ANK2: variants seen among roughly 807,000 people sequenced by gnomAD.
ANK2 encodes the protein ankyrin-2.
In ANK2, 83 loss-of-function variants were observed where a neutral mutation model predicts 360.5. That is an observed-to-expected ratio of 0.23 (90% CI 0.19 to 0.28). The LOEUF (loss-of-function observed/expected upper bound fraction) is 0.28. Among genes scored for constraint, ANK2 ranks in the 10% least tolerant of loss-of-function variants. The probability of loss-of-function intolerance (pLI) is 1.00; values close to 1 mark genes in which losing one functional copy is unlikely to be tolerated. For synonymous variants in ANK2, 1,740 were observed against 1,759.5 expected (o/e 0.99, Z 0.28); for missense variants, 4,201 against 4,795.7 (o/e 0.88, Z 3.66).
intron 5 of ANK2, among the ~76,000 whole-genome samples, chr4:113,234,548 AAAT>A (rs1314108298): frequency 3.3e-5 from 5 of 152,200 alleles, no homozygotes; most frequent in African/African-American, 7.2e-5. Flanking sequence ...TGTAAAAAAA[AAAT>A]AATGTTTTTA....
Position 113,292,357 on chromosome 4 carries a change from CT to C in ANK2, c.2278-58del, listed in dbSNP as rs1377690082. ...AAGACTATTCAAAATGAAGGCTAACCTAATTTTCCTCTCCCTCTGCCAATCG... is the reference window on the plus strand; with the variant it reads ...AAGACTATTCAAAATGAAGGCTAACCAATTTTCCTCTCCCTCTGCCAATCG... On this transcript the variant is annotated intron_variant, in intron 20 of 45. Transcript: ENST00000357077. 6 of 1,433,766 alleles carry C rather than the reference CT, an allele frequency of 4.2e-6. No homozygotes were observed. The East Asian group carries it at 7.3e-5, about 17-fold the overall frequency. 88.8% of individuals were successfully genotyped at this position (1,433,766 alleles called of 1,614,324 possible).
chr4:113,109,092 A>G (rs990564471), intron 1 of ANK2, among the ~76,000 whole-genome samples: 1 of 152,104 alleles, frequency 6.6e-6, no homozygotes, highest in African/African-American at 2.4e-5. Flanking sequence ...TTCTTACGCA[A>G]AGCAGTATGT....
chr4:113,050,201 C>T lies in ANK2; in HGVS notation c.84+389C>T, dbSNP rs190524907. ...GTGAAGCAAAAGGCAGATTTTTGGCCAGATGCGTTTGCTCTATGATGATCC... is the reference window on the plus strand; with the variant it reads ...GTGAAGCAAAAGGCAGATTTTTGGCTAGATGCGTTTGCTCTATGATGATCC... On this transcript the variant is annotated intron_variant, in intron 1 of 45. Coordinates refer to ENST00000357077, the MANE Select transcript of ANK2 (RefSeq NM_001148.6). Among the ~76,000 whole-genome samples the T allele has an allele frequency of 2.2e-3, 330 of 152,166 alleles. 5 individuals are homozygous for T. Among genetic ancestry groups the T allele is most frequent in the Non-Finnish European group, 1.7e-3 (114 of 68,002 alleles).
chr4:113,163,786 A>AAAAAG (rs2097650817), intron 1 of ANK2, among the ~76,000 whole-genome samples: 1 of 108,610 alleles, frequency 9.2e-6, no homozygotes, highest in African/African-American at 3.1e-5. Flanking sequence ...AAAAAAAAAA[A>AAAAAG]AAAAAAGAAA....
intron 15 of ANK2, among the ~76,000 whole-genome samples, chr4:113,277,512 G>GC (rs1554401740): frequency 1.3e-5 from 2 of 151,946 alleles, no homozygotes; most frequent in Non-Finnish European, 2.9e-5. Context: ...TTAGAGGCAA[G>GC]AAAAGGCTTT....
intron 24 of ANK2, among the ~76,000 whole-genome samples, chr4:113,315,459 T>A (rs2082232875): frequency 1.3e-5 from 2 of 152,214 alleles, no homozygotes; most frequent in African/African-American, 4.8e-5. Flanking sequence ...ATTTTCATTT[T>A]CCCTTTGAGA....
chr4:112,791,532 A>G, the ANK2 span, among the ~76,000 whole-genome samples: 1 of 128,084 alleles, frequency 7.8e-6, no homozygotes, highest in Admixed American at 9.9e-5. Context: ...TCTGTTGCCC[A>G]GGCTGGAGTG....
chr4:113,327,225 T>C (rs1364600542), intron 26 of ANK2, among the ~76,000 whole-genome samples: 1 of 152,192 alleles, frequency 6.6e-6, no homozygotes, highest in African/African-American at 2.4e-5. Context: ...TTAACTTCTA[T>C]TAAAATGGTT....
intron 2 of ANK2, among the ~76,000 whole-genome samples, chr4:112,941,200 G>C (rs7695624): frequency 0.31 from 46,129 of 150,400 alleles, 8,639 homozygotes; most frequent in African/African-American, 0.53. Flanking sequence ...TATTAAAAAA[G>C]AACATTTAAC....
intron 4 of ANK2, among the ~76,000 whole-genome samples, chr4:113,204,318 A>C (rs908206656): frequency 4.6e-5 from 7 of 152,194 alleles, no homozygotes; most frequent in African/African-American, 1.7e-4. Context: ...AAACATGAGA[A>C]GCTAAGCAAA....
At chr4:112,804,012 CG>C in the ANK2 span, among the ~76,000 whole-genome samples, 1 of 133,992 alleles carries the variant, frequency 7.5e-6, no homozygotes, top group Non-Finnish European at 1.5e-5. Context: ...ACCAATCTCA[CG>C]GTTTTTTTTT....
chr4:113,253,727 C>T (rs2047734962), intron 10 of ANK2, among the ~76,000 whole-genome samples: 1 of 152,180 alleles, frequency 6.6e-6, no homozygotes, highest in Non-Finnish European at 1.5e-5. Context: ...CCACTCTGGT[C>T]CAGATCACCA....
At chr4:112,728,525 A>G in the ANK2 span, among the ~76,000 whole-genome samples, 1 of 151,864 alleles carries the variant, frequency 6.6e-6, no homozygotes, top group Admixed American at 6.6e-5. Context: ...CTAAGGTAGG[A>G]TGATCGCTTG....
At chr4:112,865,291 C>A (rs2070071781) in intron 1 of ANK2, among the ~76,000 whole-genome samples, 1 of 152,048 alleles carries the variant, frequency 6.6e-6, no homozygotes, top group Non-Finnish European at 1.5e-5. Context: ...CACCTTCTCA[C>A]CTTTTATTTT....
chr4:113,272,815 C>A (rs542735319), intron 14 of ANK2, among the ~76,000 whole-genome samples: 1 of 152,158 alleles, frequency 6.6e-6, no homozygotes, highest in Non-Finnish European at 1.5e-5. Flanking sequence ...ACTTGCAATA[C>A]CCACCCACCT....
intron 1 of ANK2, among the ~76,000 whole-genome samples, chr4:113,102,069 A>G (rs1477075833): frequency 6.6e-6 from 1 of 152,148 alleles, no homozygotes; most frequent in Non-Finnish European, 1.5e-5. Flanking sequence ...GGCATTGGCT[A>G]GGTGGAAACA....
At chr4:112,874,003 A>C (rs771959544) in intron 1 of ANK2, among the ~76,000 whole-genome samples, 2 of 152,030 alleles carry the variant, frequency 1.3e-5, no homozygotes, top group Non-Finnish European at 2.9e-5. Flanking sequence ...AACATTTGAG[A>C]AAGTTTCCAG....
At chr4:113,241,496 C>A in intron 8 of ANK2, among the ~76,000 whole-genome samples, 1 of 152,090 alleles carries the variant, frequency 6.6e-6, no homozygotes, top group Non-Finnish European at 1.5e-5. Context: ...CACTACCATG[C>A]CTGGCTAATT....
At chr4:112,792,280 AT>A in the ANK2 span, among the ~76,000 whole-genome samples, 1 of 151,986 alleles carries the variant, frequency 6.6e-6, no homozygotes, top group Non-Finnish European at 1.5e-5. Context: ...ACCTCAGGCT[AT>A]CCGCCCACCT....
Sources: allele counts gnomAD v4.1 joint callset (sites outside exome capture counted in the v4.1 genomes callset), GRCh38; gene constraint gnomAD v4.1.1; transcripts MANE v1.5; gene names NCBI Gene and HGNC (gene_info 2026-07-23, HGNC 2026-07-21).